Variants in DGKB observed in about 807,000 individuals in gnomAD.
The protein encoded by DGKB is 90 kDa diacylglycerol kinase.
Under a neutral mutation model 114.3 loss-of-function variants are expected in DGKB, and 67 were observed. That is an observed-to-expected ratio of 0.59 (90% CI 0.48 to 0.72). The LOEUF (loss-of-function observed/expected upper bound fraction) is 0.72. Ranked by LOEUF, DGKB falls within the 30% of genes least tolerant of loss-of-function variation. The pLI, the probability that DGKB is intolerant of heterozygous loss-of-function variation, is 0.00. For synonymous variants in DGKB, 398 were observed against 323.1 expected (o/e 1.23, Z -2.49); for missense variants, 907 against 975.2 (o/e 0.93, Z 0.93).
rs1353390711 is a variant in DGKB, at chr7:14,621,463, C to T, written c.1199G>A (p.Ser400Asn). The T allele has an allele frequency of 1.2e-6, 2 of 1,609,334 alleles. No homozygotes were observed. Among genetic ancestry groups the T allele is most frequent in the East Asian group, 4.5e-5 (2 of 44,704 alleles). Residue 400 changes from serine (S) to asparagine (N), a missense_variant, in exon 15 of 26, where the codon AGT becomes AAT. Ser to Asn is a conservative substitution (Grantham distance 46). This residue lies in a region of DGKB where 814 missense variants were observed against 856.6 expected (regional missense o/e 0.95). Coordinates refer to ENST00000402815, the MANE Select transcript of DGKB (RefSeq NM_001350709.2). Reference sequence around the variant, plus strand: ...CACTTTGTTTGGCTGCTGGGAACCACTCTTTTCCTTTTTCACTGTTGATTG... The same window carrying T: ...CACTTTGTTTGGCTGCTGGGAACCATTCTTTTCCTTTTTCACTGTTGATTG... Reference protein sequence around the residue: ...ERQSTVKKEKSGSQQPNKVID... With the variant: ...ERQSTVKKEKNGSQQPNKVID...
chr7:14,156,390 C>T (rs1783024282), intron 25 of DGKB, among the ~76,000 whole-genome samples: 3 of 152,060 alleles, frequency 2.0e-5, no homozygotes, highest in South Asian at 4.1e-4. Context: ...ATGATTTCGG[C>T]TTTGTGGTCT....
At chr7:14,170,414 A>G (rs79253785) in intron 25 of DGKB, among the ~76,000 whole-genome samples, 15,105 of 152,172 alleles carry the variant, frequency 0.099, 1,003 homozygotes, top group Admixed American at 0.2. Context: ...TAAATAAGTA[A>G]TAAACATGTA....
At chr7:14,501,140 A>T (rs2128954569) in intron 20 of DGKB, among the ~76,000 whole-genome samples, 1 of 152,022 alleles carries the variant, frequency 6.6e-6, no homozygotes, top group East Asian at 1.9e-4. Flanking sequence ...GTGTACTACC[A>T]ATAACATGGT....
intron 1 of DGKB, among the ~76,000 whole-genome samples, chr7:14,936,272 AG>A (rs1785267304): frequency 2.0e-5 from 3 of 152,202 alleles, no homozygotes; most frequent in Admixed American, 1.3e-4. Flanking sequence ...CACACATAGA[AG>A]TATTGCATTT....
intron 20 of DGKB, among the ~76,000 whole-genome samples, chr7:14,482,392 T>C (rs1021885910): frequency 1.3e-5 from 2 of 152,062 alleles, no homozygotes; most frequent in Non-Finnish European, 2.9e-5. Context: ...CAGAATTTTT[T>C]GGGTTATGCA....
At chr7:14,282,456 C>T (rs1800128681) in intron 23 of DGKB, among the ~76,000 whole-genome samples, 1 of 150,520 alleles carries the variant, frequency 6.6e-6, no homozygotes, top group Non-Finnish European at 1.5e-5. Flanking sequence ...GGTACCATTC[C>T]TTCTGAAACT....
intron 21 of DGKB, among the ~76,000 whole-genome samples, chr7:14,416,264 T>C (rs1328319601): frequency 6.6e-6 from 1 of 152,106 alleles, no homozygotes; most frequent in East Asian, 1.9e-4. Flanking sequence ...TGTCAATATA[T>C]TTAAGAAAAA....
chr7:14,447,372 A>G (rs1351523498), intron 21 of DGKB, among the ~76,000 whole-genome samples: 1 of 151,966 alleles, frequency 6.6e-6, no homozygotes, highest in East Asian at 1.9e-4. Flanking sequence ...AATAACTTGG[A>G]CCTCACTAAA....
At chr7:14,887,366 C>T (rs1464998609) in intron 1 of DGKB, among the ~76,000 whole-genome samples, 1 of 151,092 alleles carries the variant, frequency 6.6e-6, no homozygotes, top group African/African-American at 2.5e-5. Flanking sequence ...TTGGCTTTCT[C>T]TTCCTGTTCC....
At chr7:14,465,399 T>A (rs1833686881) in intron 21 of DGKB, among the ~76,000 whole-genome samples, 2 of 151,962 alleles carry the variant, frequency 1.3e-5, no homozygotes, top group Non-Finnish European at 2.9e-5. Context: ...CAAGGCAAAA[T>A]GAGGAAAGCT....
intron 23 of DGKB, among the ~76,000 whole-genome samples, chr7:14,310,187 T>C (rs1805142261): frequency 6.6e-6 from 1 of 152,184 alleles, no homozygotes; most frequent in Non-Finnish European, 1.5e-5. Context: ...GATGGACCAC[T>C]GGACACTCCA....
rs569953380 is a variant in DGKB at position 14,343,553 on chromosome 7, A to G, written c.1926+1748T>C. ...ATTTTTTTTTTGTACTTTGTGACAC[A>G]TAGAATCTTATTTTATAGATCAACA... On this transcript the variant is annotated intron_variant, in intron 22 of 25. Transcript: ENST00000402815. 3.3e-5 allele frequency among the ~76,000 whole-genome samples: 5 copies of G among 151,768 alleles called. No individual in the cohort carries two copies. The East Asian group carries it at 9.7e-4, about 29-fold the overall frequency.
intron 21 of DGKB, among the ~76,000 whole-genome samples, chr7:14,422,916 C>G (rs1235129967): frequency 6.6e-6 from 1 of 151,956 alleles, no homozygotes; most frequent in Admixed American, 6.6e-5. Flanking sequence ...CATTATTCCC[C>G]AATTAAATCT....
chr7:14,528,903 C>T (rs1791089176), intron 20 of DGKB, among the ~76,000 whole-genome samples: 1 of 151,876 alleles, frequency 6.6e-6, no homozygotes, highest in Admixed American at 6.6e-5. Context: ...TGACAAATAA[C>T]TTGGGCACGG....
intron 21 of DGKB, among the ~76,000 whole-genome samples, chr7:14,369,870 T>C (rs1817341862): frequency 6.6e-6 from 1 of 152,172 alleles, no homozygotes; most frequent in Non-Finnish European, 1.5e-5. Flanking sequence ...TTCTGTAAAA[T>C]TATGTAAATG....
chr7:14,160,294 GAAAT>G (rs574965127), intron 25 of DGKB, among the ~76,000 whole-genome samples: 114 of 152,238 alleles, frequency 7.5e-4, no homozygotes, highest in African/African-American at 2.6e-3. Context: ...GCAAGAGAAA[GAAAT>G]AAAAGGTATT....
chr7:14,705,229 T>C (rs1415266650), intron 6 of DGKB, among the ~76,000 whole-genome samples: 1 of 151,518 alleles, frequency 6.6e-6, no homozygotes, highest in African/African-American at 2.4e-5. Flanking sequence ...CAATGGAAGA[T>C]GAAATGAATG....
rs372284217 is a variant in DGKB, at chr7:14,755,151, C to A, written c.148-1203G>T. Among the ~76,000 whole-genome samples the A allele has an allele frequency of 3.9e-5, 6 of 152,006 alleles. No homozygotes were observed. The East Asian group carries it at 1.2e-3, about 29-fold the overall frequency. On this transcript the variant is annotated intron_variant, in intron 3 of 25. Transcript: ENST00000402815. ...ATCTTTAAGGCTATTGTTTAGATTT[C>A]TCTTATTCATTTCTTCAAGGAATGA...
At chr7:14,536,812 G>A (rs2128607843) in intron 20 of DGKB, among the ~76,000 whole-genome samples, 1 of 149,856 alleles carries the variant, frequency 6.7e-6, no homozygotes, top group African/African-American at 2.5e-5. Flanking sequence ...CATAGTCCTG[G>A]AAGTGCCAGC....
Sources: allele counts gnomAD v4.1 joint callset (sites outside exome capture counted in the v4.1 genomes callset), GRCh38; gene constraint gnomAD v4.1.1; regional missense constraint gnomAD v4.1.1; transcripts MANE v1.5; gene names NCBI Gene and HGNC (gene_info 2026-07-23, HGNC 2026-07-21).